Variants in CPQ observed in about 807,000 individuals in gnomAD.
CPQ encodes the protein carboxypeptidase Q, also known as Ser-Met dipeptidase.
CPQ carries 37 observed loss-of-function variants against 45.7 expected under a neutral mutation model. The ratio of observed to expected loss-of-function variants is 0.81; its 90% CI spans 0.62 to 1.07. The LOEUF is 1.07. CPQ is among the 50% of genes least tolerant of loss of function. The pLI is 0.00. For synonymous variants in CPQ, 186 were observed against 205.8 expected (o/e 0.90, Z 0.82); for missense variants, 537 against 572.9 (o/e 0.94, Z 0.64).
chr8:97,042,456 T>A (rs942719160), intron 6 of CPQ, among the ~76,000 whole-genome samples: 14 of 152,212 alleles, frequency 9.2e-5, no homozygotes, highest in African/African-American at 3.4e-4. Context: ...TCATTAATTT[T>A]TTGAAGGGTT....
At chr8:96,868,141 G>A (rs1420669734) in intron 3 of CPQ, among the ~76,000 whole-genome samples, 4 of 152,068 alleles carry the variant, frequency 2.6e-5, no homozygotes, top group Non-Finnish European at 5.9e-5. Context: ...CCATTAGCGT[G>A]GATCCCAGAG....
In CPQ at chr8:96,648,870, A is replaced by G. The variant is rs575093144; in HGVS notation, c.-35+3468A>G. The stretch of plus-strand genomic sequence containing the variant: ...GGCATTCTTCAGGAGATGGGAGTTC[A>G]GTGTGGCTGTGGTAGGGAGGTGTGG... On this transcript the variant is annotated intron_variant, in intron 1 of 7. Transcript: ENST00000220763. 3.3e-5 allele frequency among the ~76,000 whole-genome samples: 5 copies of G among 152,384 alleles called. No homozygotes were observed. The East Asian group carries it at 9.6e-4, about 29-fold the overall frequency.
intron 1 of CPQ, among the ~76,000 whole-genome samples, chr8:96,716,265 A>T (rs911306619): frequency 6.6e-6 from 1 of 152,084 alleles, no homozygotes. Context: ...GTAGCAGTGG[A>T]TTTTTTGTTG....
intron 2 of CPQ, among the ~76,000 whole-genome samples, chr8:96,803,322 A>G (rs142505243): frequency 2.4e-4 from 37 of 152,342 alleles, no homozygotes; most frequent in African/African-American, 7.9e-4. Context: ...CAGTCCACCA[A>G]TTCAAATGCT....
At chr8:96,931,746 T>C (rs73698820) in intron 4 of CPQ, among the ~76,000 whole-genome samples, 12,220 of 152,220 alleles carry the variant, frequency 0.08, 954 homozygotes, top group African/African-American at 0.21. Context: ...TCTCCTCTGT[T>C]CCAATCTCCA....
intron 1 of CPQ, among the ~76,000 whole-genome samples, chr8:96,675,372 G>T (rs1225190096): frequency 6.6e-6 from 1 of 152,016 alleles, no homozygotes; most frequent in African/African-American, 2.4e-5. Context: ...ATATATGTAT[G>T]TAGAGAGCTA....
Position 96,835,075 on chromosome 8 carries a change from A to T in CPQ, c.536A>T (p.Asn179Ile), listed in dbSNP as rs1244348503. 1.2e-6 allele frequency: 2 copies of T among 1,613,424 alleles called. No individual in the cohort carries two copies. Among genetic ancestry groups the T allele is most frequent in the Non-Finnish European group, 1.7e-6 (2 of 1,179,720 alleles). ...GTTGTTTATAACCAACCTTACATCA[A>T]CTACTCAAGGACGGTGCAATACCGA... ...KIVVYNQPYI[N>I]YSRTVQYRTQ... Residue 179 changes from asparagine (N) to isoleucine (I), a missense_variant, in exon 3 of 8, where the codon AAC (asparagine) becomes ATC (isoleucine). Transcript: ENST00000220763.
intron 1 of CPQ, among the ~76,000 whole-genome samples, chr8:96,770,601 G>A (rs2130797984): frequency 6.6e-6 from 1 of 151,668 alleles, no homozygotes; most frequent in Admixed American, 6.6e-5. Flanking sequence ...GCCTGGAATT[G>A]CCCTTTTTAC....
rs533714525 is a variant in CPQ at position 97,043,783 on chromosome 8, C to A, written c.1053+14289C>A. 3.9e-5 allele frequency among the ~76,000 whole-genome samples: 6 copies of A among 152,292 alleles called. No individual in the cohort carries two copies. The South Asian group carries it at 1.2e-3, about 32-fold the overall frequency. On this transcript the variant is annotated intron_variant, in intron 6 of 7. Transcript: ENST00000220763. ...GATATGAAATTCTGGTTTGAAAATT[C>A]TTTCCTTTAAGAATGTTGAATATTG...
At chr8:97,060,513 C>G (rs189192566) in intron 6 of CPQ, among the ~76,000 whole-genome samples, 222 of 152,198 alleles carry the variant, frequency 1.5e-3, no homozygotes, top group Non-Finnish European at 2.2e-3. Flanking sequence ...TTTCATGGCT[C>G]CTAATAATGA....
chr8:97,025,643 A>T (rs1305600855), intron 5 of CPQ, among the ~76,000 whole-genome samples: 1 of 152,176 alleles, frequency 6.6e-6, no homozygotes, highest in Middle Eastern at 3.2e-3. Flanking sequence ...CTTACAGCAG[A>T]GCTTCCACTT....
At chr8:96,789,298 C>T (rs957070311) in intron 2 of CPQ, among the ~76,000 whole-genome samples, 1 of 152,076 alleles carries the variant, frequency 6.6e-6, no homozygotes, top group Non-Finnish European at 1.5e-5. Context: ...GCTGACTTGT[C>T]TTCCTCCCTT....
chr8:96,872,826 C>G (rs1008557353), intron 3 of CPQ, among the ~76,000 whole-genome samples: 1 of 151,874 alleles, frequency 6.6e-6, no homozygotes, highest in Non-Finnish European at 1.5e-5. Flanking sequence ...AATATTTATT[C>G]AATACTTTCT....
intron 7 of CPQ, among the ~76,000 whole-genome samples, chr8:97,072,379 A>G (rs1200151181): frequency 6.6e-6 from 1 of 152,152 alleles, no homozygotes; most frequent in African/African-American, 2.4e-5. Context: ...AGTGTTCACC[A>G]AGTATGGCAT....
intron 1 of CPQ, chr8:96,680,379 T>C (rs1809133302): frequency 6.6e-6 from 1 of 152,180 alleles, no homozygotes. Context: ...TGGGGGCTTG[T>C]CTTTCTCATG....
intron 3 of CPQ, among the ~76,000 whole-genome samples, chr8:96,855,346 TGAG>T (rs1811832079): frequency 6.6e-6 from 1 of 152,070 alleles, no homozygotes; most frequent in Non-Finnish European, 1.5e-5. Context: ...AGGCAGCTGC[TGAG>T]GAGGGCTGGG....
chr8:96,858,704 G>A (rs1811887680), intron 3 of CPQ, among the ~76,000 whole-genome samples: 1 of 152,122 alleles, frequency 6.6e-6, no homozygotes, highest in African/African-American at 2.4e-5. Flanking sequence ...CTCCTGAGGT[G>A]ACTGAACTGT....
intron 1 of CPQ, among the ~76,000 whole-genome samples, chr8:96,647,896 A>C (rs755647311): frequency 6.6e-6 from 1 of 152,222 alleles, no homozygotes; most frequent in African/African-American, 2.4e-5. Flanking sequence ...ATGGCACTTA[A>C]GGGCTTTGAA....
chr8:97,068,616 A>G (rs536231980), intron 7 of CPQ, among the ~76,000 whole-genome samples: 1 of 152,336 alleles, frequency 6.6e-6, no homozygotes, highest in African/African-American at 2.4e-5. Context: ...CTGAGCTACA[A>G]GAGTGAAACT....
Sources: gnomAD v4.1 joint callset for allele counts (sites outside exome capture counted in the v4.1 genomes callset) on GRCh38, gnomAD v4.1.1 for gene constraint, MANE v1.5 for transcripts, NCBI Gene and HGNC (gene_info 2026-07-23, HGNC 2026-07-21) for gene names.